SNURF: variants seen among roughly 807,000 people sequenced by gnomAD.
SNURF encodes the protein SNURF protein.
In SNURF, 6 loss-of-function variants were observed where a neutral mutation model predicts 11.6. The observed-to-expected ratio is 0.52, with a 90% confidence interval of 0.28 to 1.02. The LOEUF (loss-of-function observed/expected upper bound fraction) is 1.02. Ranked by LOEUF, SNURF falls within the 50% of genes least tolerant of loss-of-function variation. SNURF has a pLI of 0.09. For synonymous variants in SNURF, 29 were observed against 31.6 expected (o/e 0.92, Z 0.27); for missense variants, 84 against 88.4 (o/e 0.95, Z 0.20).
rs765651266 is a variant in SNURF, at chr15:24,967,964, A to G, written c.143A>G (p.Gln48Arg). ...TTGTACCCGAGGCGTTCTCAGCAGC[A>G]GCAAGTACCTGTGGTGGATTTCCAG... The change falls in exon 3 of 3, where the codon CAG becomes CGG. Residue 48 changes from glutamine (Q) to arginine (R), a missense_variant. Physicochemically the swap from Gln to Arg is conservative, Grantham distance 43 (BLOSUM62 1). Transcript: ENST00000577949. 8.1e-6 allele frequency: 13 copies of G among 1,614,090 alleles called. No individual in the cohort carries two copies. The Admixed American group carries it at 8.3e-5, about 10-fold the overall frequency.
intron 3 of SNURF, chr15:24,974,725 G>T: frequency 1.6e-6 from 1 of 607,138 alleles, no homozygotes; most frequent in African/African-American, 1.9e-5. Flanking sequence ...AGATTCTCGT[G>T]CCTCAGCCTC....
downstream of SNURF, chr15:24,978,260 A>G (rs1195021458): frequency 6.2e-7 from 1 of 1,613,914 alleles, no homozygotes; most frequent in Non-Finnish European, 8.5e-7. Context: ...CCCCTGCTCG[A>G]GGGACGCCAA....
rs919272396 is a variant in SNURF at position 24,957,509 on chromosome 15, C to T, written c.14+2447C>T. Among the ~76,000 whole-genome samples, 13 of 152,180 alleles carry T rather than the reference C, an allele frequency of 8.5e-5. No individual in the cohort carries two copies. In the East Asian group the frequency reaches 2.5e-3, roughly 29 times the overall value. ...ATATTCCAGTACTTTTTTAAAAAAT[C>T]ATTTTATTCTAAGGATTTTGTCTTC... On this transcript the variant is annotated intron_variant, in intron 1 of 2. Transcript: ENST00000577949.
At chr15:24,964,451 C>T (rs2075325704) in intron 2 of SNURF, among the ~76,000 whole-genome samples, 1 of 152,056 alleles carries the variant, frequency 6.6e-6, no homozygotes, top group Admixed American at 6.6e-5. Context: ...TGCCACCATG[C>T]CTGGCTAATT....
chr15:24,974,560 G>A, intron 3 of SNURF: 1 of 1,053,596 alleles, frequency 9.5e-7, no homozygotes, highest in Admixed American at 1.7e-5. Context: ...TTAGAAATAA[G>A]GATACATCCA....
chr15:24,955,747 A>AGGC (rs1267877516), intron 1 of SNURF, among the ~76,000 whole-genome samples: 1 of 147,314 alleles, frequency 6.8e-6, no homozygotes, highest in African/African-American at 2.5e-5. Flanking sequence ...GGTAGGGGGA[A>AGGC]GGCGGCGACA....
At chr15:24,955,035 C>G (rs746205195) in exon 1 of SNURF, 97 of 1,612,912 alleles carry the variant, frequency 6.0e-5, no homozygotes, top group Non-Finnish European at 7.6e-5. Flanking sequence ...GTCTGAGGAG[C>G]GGTCAGTGAC....
chr15:24,957,238 T>C (rs958660708), intron 1 of SNURF, among the ~76,000 whole-genome samples: 5 of 152,208 alleles, frequency 3.3e-5, no homozygotes, highest in Admixed American at 3.3e-4. Context: ...GACATCGTGA[T>C]GGCTCTTCCC....
chr15:24,956,946 T>G (rs2063023755), intron 1 of SNURF, among the ~76,000 whole-genome samples: 2 of 152,224 alleles, frequency 1.3e-5, no homozygotes, highest in Admixed American at 6.5e-5. Flanking sequence ...CTGTGCTGTT[T>G]CAGCAAGCCT....
intron 1 of SNURF, among the ~76,000 whole-genome samples, chr15:24,955,832 C>CGGCGGTGGGCATGGCATGGA (rs1326520698): frequency 6.6e-6 from 1 of 150,804 alleles, no homozygotes; most frequent in African/African-American, 2.4e-5. Flanking sequence ...GTAGGCATGG[C>CGGCGGTGGGCATGGCATGGA]GGCGGTGGGC....
chr15:24,972,538 ATTC>A (rs1322600196), downstream of SNURF, among the ~76,000 whole-genome samples: 1 of 138,562 alleles, frequency 7.2e-6, no homozygotes, highest in African/African-American at 2.7e-5. Context: ...GCATTAGAGT[ATTC>A]TTTTTTTTTT....
At chr15:24,972,093 TA>T (rs1366178713), downstream of SNURF, among the ~76,000 whole-genome samples, 3 of 151,932 alleles carry the variant, frequency 2.0e-5, no homozygotes, top group Non-Finnish European at 4.4e-5. Flanking sequence ...CCTTCTCTGC[TA>T]AAAATACAAA....
intron 2 of SNURF, among the ~76,000 whole-genome samples, chr15:24,962,979 G>A (rs1415883502): frequency 1.4e-5 from 2 of 143,130 alleles, no homozygotes; most frequent in Non-Finnish European, 3.0e-5. Context: ...TAAAAAGTAA[G>A]TCTCATTTTA....
At chr15:24,974,434 G>T (rs763736287) in intron 3 of SNURF, 154 of 1,613,204 alleles carry the variant, frequency 9.5e-5, no homozygotes, top group Non-Finnish European at 1.3e-4. Flanking sequence ...GTGGACATTG[G>T]ATTTGGTGGA....
downstream of SNURF, among the ~76,000 whole-genome samples, chr15:24,969,605 T>G (rs2076146263): frequency 6.6e-6 from 1 of 152,232 alleles, no homozygotes; most frequent in Admixed American, 6.5e-5. Flanking sequence ...AACTGATTTT[T>G]TACTTTTTAG....
intron 6 of SNURF, among the ~76,000 whole-genome samples, chr15:24,977,378 G>C (rs1346791782): frequency 6.6e-6 from 1 of 152,024 alleles, no homozygotes; most frequent in Non-Finnish European, 1.5e-5. Flanking sequence ...AGTGGCTTAC[G>C]CCTGTAATCC....
At chr15:24,977,054 T>C (rs2077135467) in intron 6 of SNURF, 1 of 1,532,638 alleles carries the variant, frequency 6.5e-7, no homozygotes, top group Non-Finnish European at 8.8e-7. Context: ...GAGGGTTTTA[T>C]ATTATTGGGA....
At chr15:24,960,823 T>C (rs1399645256) in intron 1 of SNURF, among the ~76,000 whole-genome samples, 1 of 152,178 alleles carries the variant, frequency 6.6e-6, no homozygotes, top group Non-Finnish European at 1.5e-5. Flanking sequence ...ACAAAAGCTG[T>C]AGATAGTTAA....
chr15:24,964,143 A>C (rs563030098), intron 2 of SNURF, among the ~76,000 whole-genome samples: 18 of 152,052 alleles, frequency 1.2e-4, no homozygotes, highest in African/African-American at 4.3e-4. Context: ...TACTATAGTG[A>C]GTATATTTAA....
Sources: allele counts gnomAD v4.1 joint callset (sites outside exome capture counted in the v4.1 genomes callset), GRCh38; gene constraint gnomAD v4.1.1; transcripts MANE v1.5; gene names NCBI Gene and HGNC (gene_info 2026-07-23, HGNC 2026-07-21).